Variants in GLB1 observed in about 807,000 individuals in gnomAD.
GLB1 encodes the protein beta-galactosidase.
A neutral mutation model predicts 74.0 loss-of-function variants in GLB1; 56 were observed. The observed-to-expected ratio is 0.76, with a 90% CI of 0.61 to 0.94. The LOEUF (loss-of-function observed/expected upper bound fraction) is 0.94. GLB1 is among the 40% of genes least tolerant of loss of function. The probability of loss-of-function intolerance (pLI) is 0.00; values close to 1 mark genes in which losing one functional copy is unlikely to be tolerated. For synonymous variants in GLB1, 323 were observed against 323.6 expected (o/e 1.00, Z 0.02); for missense variants, 787 against 845.5 (o/e 0.93, Z 0.86).
intron 5 of GLB1, among the ~76,000 whole-genome samples, chr3:33,064,527 A>G (rs1699588233): frequency 6.6e-6 from 1 of 151,116 alleles, no homozygotes; most frequent in Non-Finnish European, 1.5e-5. Flanking sequence ...CTGTAATCCC[A>G]GCACTTTGGA....
Position 33,046,194 on chromosome 3 carries a change from C to T in GLB1, c.994G>A (p.Asp332Asn), listed in dbSNP as rs781658798. 20 of 1,613,870 alleles carry T rather than the reference C, an allele frequency of 1.2e-5. No homozygotes were observed. The highest frequency in any genetic ancestry group is 2.7e-5 in the African/African-American group (2 of 74,886). Residue 332 changes from aspartate (D) to asparagine (N), a missense_variant, in exon 10 of 16, where the codon GAC becomes AAC. Coordinates refer to ENST00000307363, the MANE Select transcript of GLB1 (RefSeq NM_000404.4). ...SPYAAQPTSYDYDAPLSEAGD... is the reference protein window; with the variant it reads ...SPYAAQPTSYNYDAPLSEAGD... The stretch of plus-strand genomic sequence containing the variant: ...GCCTCACTCAGTGGGGCATCATAGT[C>T]GTAGCTGGTGGGCTGTGCTGCATAG...
chr3:33,084,871 A>C (rs1030245425), intron 1 of GLB1, among the ~76,000 whole-genome samples: 16 of 152,218 alleles, frequency 1.1e-4, no homozygotes, highest in African/African-American at 3.9e-4. Context: ...CATTCAGTAG[A>C]CTTCATCTTA....
At chr3:33,044,591 T>C (rs958762531) in intron 10 of GLB1, among the ~76,000 whole-genome samples, 2 of 150,600 alleles carry the variant, frequency 1.3e-5, no homozygotes, top group African/African-American at 4.9e-5. Context: ...AAACCCATAA[T>C]AAAGGAATAA....
intron 10 of GLB1, chr3:33,034,442 G>T: frequency 2.7e-6 from 2 of 734,758 alleles, no homozygotes; most frequent in Non-Finnish European, 5.1e-6. Context: ...CTTCAAGGAT[G>T]GCCAGTGGAA....
At chr3:33,072,516 G>T in intron 2 of GLB1, 28 bp downstream of exon 2, 1 of 1,612,368 alleles carries the variant, frequency 6.2e-7, no homozygotes, top group African/African-American at 1.3e-5. Context: ...TTCAGGCCTA[G>T]GTGAGAGCCA....
chr3:33,061,593 T>G (rs1031766104), intron 5 of GLB1: 1 of 152,176 alleles, frequency 6.6e-6, no homozygotes, highest in East Asian at 1.9e-4. Context: ...CAGCCATAAT[T>G]TGCAGGTCTT....
chr3:33,026,408 GAGGGC>G (rs959640220), intron 10 of GLB1, among the ~76,000 whole-genome samples: 3 of 152,184 alleles, frequency 2.0e-5, no homozygotes, highest in African/African-American at 7.2e-5. Flanking sequence ...AGGGGGTGCT[GAGGGC>G]AGCTCAGCAC....
At chr3:32,995,061 C>G (rs1696285766), downstream of GLB1, among the ~76,000 whole-genome samples, 1 of 152,018 alleles carries the variant, frequency 6.6e-6, no homozygotes, top group African/African-American at 2.4e-5. Flanking sequence ...GGGAGGTAGG[C>G]CAGGTTTGAA....
At chr3:33,075,234 G>A (rs1357278025) in intron 1 of GLB1, among the ~76,000 whole-genome samples, 1 of 152,188 alleles carries the variant, frequency 6.6e-6, no homozygotes, top group Non-Finnish European at 1.5e-5. Context: ...TGGCCCATGA[G>A]GTGGGAACAT....
intron 10 of GLB1, among the ~76,000 whole-genome samples, chr3:33,036,852 T>C (rs1407387943): frequency 6.6e-6 from 1 of 152,164 alleles, no homozygotes; most frequent in Non-Finnish European, 1.5e-5. Context: ...TAGGAGCTAC[T>C]AGAAGCTGAG....
At position 33,048,287 on chromosome 3, in the gene GLB1, G is replaced by A. The variant is rs543125191; in HGVS notation, c.956-2055C>T. On this transcript the variant is annotated intron_variant, in intron 9 of 15. Transcript: ENST00000307363. ...CTAAGTATTTGTTCTAGTTCTACTG[G>A]CAGAATCTTACTTTGGGTGTTTTTA... 1.6e-4 allele frequency among the ~76,000 whole-genome samples: 25 copies of A among 152,254 alleles called. 1 individual carries two copies. The highest frequency in any genetic ancestry group is 6.0e-4 in the African/African-American group (25 of 41,512).
the GLB1 span, among the ~76,000 whole-genome samples, chr3:32,978,197 G>A: frequency 1.8e-3 from 268 of 152,256 alleles, 1 homozygote; most frequent in African/African-American, 5.7e-3. Context: ...CTGTCTTAAC[G>A]TCCACAGTTG....
In GLB1 at chr3:33,059,268, C is replaced by T. The variant is rs1005355243; in HGVS notation, c.553-999G>A. Among the ~76,000 whole-genome samples, 75 of 112,754 alleles carry T rather than the reference C, an allele frequency of 6.7e-4. 1 individual carries two copies. The highest frequency in any genetic ancestry group is 5.3e-3 in the Admixed American group (53 of 10,084). The allele number at this position is 112,754 out of a possible 152,430, so 74.0% of individuals were successfully genotyped here. On this transcript the variant is annotated intron_variant, in intron 5 of 15. Coordinates refer to ENST00000307363, the MANE Select transcript of GLB1 (RefSeq NM_000404.4). The stretch of plus-strand genomic sequence containing the variant: ...ATACACACACACACACACACACACA[C>T]ACACACACACACACACACACACAGA...
At chr3:32,982,297 G>C in the GLB1 span, among the ~76,000 whole-genome samples, 2 of 139,876 alleles carry the variant, frequency 1.4e-5, no homozygotes, top group Non-Finnish European at 3.0e-5. Context: ...TGGGCAACAA[G>C]AGCGAAACTC....
chr3:33,053,744 C>T (rs1006382333), intron 6 of GLB1, among the ~76,000 whole-genome samples, 195 bp from the exon 7 acceptor site: 1 of 152,212 alleles, frequency 6.6e-6, no homozygotes, highest in African/African-American at 2.4e-5. Context: ...GTGATTAAGT[C>T]ATAAGGGCTC....
the GLB1 span, among the ~76,000 whole-genome samples, chr3:32,983,754 C>T: frequency 1.3e-5 from 2 of 152,172 alleles, no homozygotes; most frequent in Non-Finnish European, 2.9e-5. Context: ...TCATGGCTCA[C>T]TACAGCCTTG....
At chr3:32,969,021 A>G in the GLB1 span, among the ~76,000 whole-genome samples, 2 of 152,214 alleles carry the variant, frequency 1.3e-5, no homozygotes, top group Non-Finnish European at 2.9e-5. Flanking sequence ...CAGTCCCAGG[A>G]GGCCCCCTTC....
intron 11 of GLB1, among the ~76,000 whole-genome samples, chr3:33,022,721 G>A (rs1042466348): frequency 6.6e-6 from 1 of 151,598 alleles, no homozygotes; most frequent in Non-Finnish European, 1.5e-5. Flanking sequence ...CACCATGCCT[G>A]GCTAATTTTT....
the GLB1 span, among the ~76,000 whole-genome samples, chr3:32,967,464 G>A: frequency 4.6e-5 from 7 of 152,322 alleles, no homozygotes; most frequent in Admixed American, 6.5e-5. Flanking sequence ...CTACTAGGGA[G>A]GCTGAGGCAG....
Sources: gnomAD v4.1 joint callset for allele counts (sites outside exome capture counted in the v4.1 genomes callset) on GRCh38, gnomAD v4.1.1 for gene constraint, MANE v1.5 for transcripts, NCBI Gene and HGNC (gene_info 2026-07-23, HGNC 2026-07-21) for gene names.